The following DPP6 variants were observed in gnomAD, a reference collection of about 807,000 sequenced individuals.
The protein encoded by DPP6 is A-type potassium channel modulatory protein DPP6.
DPP6 carries 69 observed loss-of-function variants against 122.6 expected under a neutral mutation model. That is an observed-to-expected ratio of 0.56 (90% CI 0.46 to 0.69). The LOEUF (loss-of-function observed/expected upper bound fraction) is 0.69. Among genes scored for constraint, DPP6 ranks in the 30% least tolerant of loss-of-function variants. The probability of loss-of-function intolerance (pLI) is 0.00; values close to 1 mark genes in which losing one functional copy is unlikely to be tolerated. For synonymous variants in DPP6, 418 were observed against 433.1 expected (o/e 0.97, Z 0.43); for missense variants, 928 against 1,116.9 (o/e 0.83, Z 2.41).
At chr7:154,090,698 A>T (rs1429500696) in intron 1 of DPP6, among the ~76,000 whole-genome samples, 2 of 150,846 alleles carry the variant, frequency 1.3e-5, no homozygotes, top group African/African-American at 2.4e-5. Flanking sequence ...GGCACCAGGG[A>T]CCCCAGGTGG....
intron 1 of DPP6, among the ~76,000 whole-genome samples, chr7:154,096,825 C>T (rs1208610623): frequency 6.6e-6 from 1 of 152,088 alleles, no homozygotes; most frequent in Non-Finnish European, 1.5e-5. Context: ...CTATATTATT[C>T]CAGATGTTTC....
At chr7:154,677,939 C>A (rs574396895) in intron 7 of DPP6, among the ~76,000 whole-genome samples, 1 of 152,310 alleles carries the variant, frequency 6.6e-6, no homozygotes, top group African/African-American at 2.4e-5. Context: ...TTCTGTCTAG[C>A]TAAAGGATTG....
chr7:153,912,936 C>T lies in DPP6; in HGVS notation c.51+25202C>T, dbSNP rs370428690. On this transcript the variant is annotated intron_variant, in intron 1 of 25. Transcript: ENST00000404039. ...TAGCCTTAAAAAAGATGAGTGTAAA[C>T]CACTTCAGTCTAGCTTTTGAACATG... 3.3e-5 allele frequency among the ~76,000 whole-genome samples: 5 copies of T among 152,242 alleles called. No homozygotes were observed. The South Asian group carries it at 8.3e-4, about 25-fold the overall frequency.
chr7:154,341,706 G>A (rs779430780), intron 1 of DPP6, among the ~76,000 whole-genome samples: 5 of 151,700 alleles, frequency 3.3e-5, no homozygotes, highest in South Asian at 2.1e-4. Context: ...ATGTGTGTAC[G>A]TGTGTTTGTG....
At chr7:153,763,486 G>C in the DPP6 span, among the ~76,000 whole-genome samples, 3 of 151,804 alleles carry the variant, frequency 2.0e-5, no homozygotes, top group African/African-American at 7.3e-5. Context: ...CACCAGAACT[G>C]AATTTGTCAG....
intron 1 of DPP6, among the ~76,000 whole-genome samples, chr7:153,919,982 C>T (rs1236576718): frequency 6.6e-6 from 1 of 152,168 alleles, no homozygotes; most frequent in Non-Finnish European, 1.5e-5. Flanking sequence ...GTAATAGTAC[C>T]TGGAGGTAGC....
At chr7:154,420,453 TAGTC>T (rs983768270) in intron 1 of DPP6, among the ~76,000 whole-genome samples, 1 of 152,016 alleles carries the variant, frequency 6.6e-6, no homozygotes, top group African/African-American at 2.4e-5. Context: ...GTATCTAAAG[TAGTC>T]AGACTCATGG....
chr7:154,223,035 A>G lies in DPP6; in HGVS notation c.243+169972A>G, dbSNP rs1800395698. On this transcript the variant is annotated intron_variant, in intron 1 of 25. Coordinates refer to ENST00000377770, the MANE Select transcript of DPP6 (RefSeq NM_130797.4). Reference sequence around the variant, plus strand: ...AACCCAGTGAGGCTGTGGAACCTGCATTGAAAATTGTTGAGGTAGAACAGA... The same window carrying G: ...AACCCAGTGAGGCTGTGGAACCTGCGTTGAAAATTGTTGAGGTAGAACAGA... 5.4e-5 allele frequency among the ~76,000 whole-genome samples: 8 copies of G among 149,286 alleles called. No homozygotes were observed. In the South Asian group the frequency reaches 1.7e-3, roughly 32 times the overall value.
At chr7:154,209,879 C>A (rs1799647975) in intron 1 of DPP6, among the ~76,000 whole-genome samples, 1 of 152,114 alleles carries the variant, frequency 6.6e-6, no homozygotes, top group African/African-American at 2.4e-5. Context: ...GGGCATGGAC[C>A]CCTGGCCCTT....
At chr7:154,061,060 A>T (rs1270779903) in intron 1 of DPP6, among the ~76,000 whole-genome samples, 17 of 148,132 alleles carry the variant, frequency 1.1e-4, no homozygotes, top group African/African-American at 3.9e-4. Flanking sequence ...TTACGATCCG[A>T]CGGGTCCGAA....
At position 154,462,583 on chromosome 7, in the gene DPP6, G is replaced by C. The variant is rs552989035; in HGVS notation, c.359-12356G>C. Among the ~76,000 whole-genome samples, 62 of 151,924 alleles carry C rather than the reference G, an allele frequency of 4.1e-4. No homozygotes were observed. The Middle Eastern group carries it at 0.017, about 42-fold the overall frequency. On this transcript the variant is annotated intron_variant, in intron 2 of 25. Transcript: ENST00000377770. The stretch of plus-strand genomic sequence containing the variant: ...ATTGTAGAGATCTTTTACTTCTTTA[G>C]TAAGGTTAATTCCTGGGTATTTTAT...
intron 1 of DPP6, among the ~76,000 whole-genome samples, chr7:154,036,794 T>C (rs1332090657): frequency 6.6e-6 from 1 of 152,016 alleles, no homozygotes; most frequent in Non-Finnish European, 1.5e-5. Flanking sequence ...CAACTGCGTA[T>C]AGGAAGAGGG....
chr7:154,470,171 C>T (rs1426282370), intron 2 of DPP6, among the ~76,000 whole-genome samples: 1 of 152,178 alleles, frequency 6.6e-6, no homozygotes, highest in African/African-American at 2.4e-5. Flanking sequence ...CCCTTGTCTC[C>T]TTTGAGTTTT....
intron 1 of DPP6, among the ~76,000 whole-genome samples, chr7:154,284,853 T>TCAAAA (rs545105397): frequency 7.2e-4 from 110 of 152,230 alleles, no homozygotes; most frequent in Non-Finnish European, 1.3e-3. Flanking sequence ...AGACTTCATC[T>TCAAAA]CAAAACAAAA....
intron 3 of DPP6, among the ~76,000 whole-genome samples, chr7:154,516,388 A>T (rs1188959972): frequency 6.6e-6 from 1 of 152,144 alleles, no homozygotes; most frequent in Non-Finnish European, 1.5e-5. Flanking sequence ...GCGCTGAGGA[A>T]CCGTGCTACT....
intron 20 of DPP6, among the ~76,000 whole-genome samples, chr7:154,878,812 G>T (rs543559310): frequency 1.3e-5 from 2 of 152,200 alleles, no homozygotes; most frequent in African/African-American, 4.8e-5. Context: ...TTTTCTTCAC[G>T]ATTGTTTCTT....
At chr7:154,770,232 C>G (rs982225222) in intron 9 of DPP6, among the ~76,000 whole-genome samples, 1 of 152,128 alleles carries the variant, frequency 6.6e-6, no homozygotes, top group African/African-American at 2.4e-5. Context: ...GGAGGCCTCA[C>G]GATCATGTCA....
At chr7:154,497,504 G>T (rs1053716243) in intron 3 of DPP6, among the ~76,000 whole-genome samples, 1 of 151,962 alleles carries the variant, frequency 6.6e-6, no homozygotes, top group South Asian at 2.1e-4. Context: ...AGCTACTTGG[G>T]AGGTTGAGGC....
At chr7:154,305,018 TCCCCAGCCCCAG>T (rs560117474) in intron 1 of DPP6, 3,544 of 146,564 alleles carry the variant, frequency 0.024, 110 homozygotes, top group African/African-American at 0.058. Flanking sequence ...CGCGGCCCCC[TCCCCAGCCCCAG>T]CCCCAGCCCC....
Sources: allele counts gnomAD v4.1 joint callset (sites outside exome capture counted in the v4.1 genomes callset), GRCh38; gene constraint gnomAD v4.1.1; transcripts MANE v1.5; gene names NCBI Gene and HGNC (gene_info 2026-07-23, HGNC 2026-07-21).